Variants in CNTN5 observed in about 807,000 individuals in gnomAD.
The protein encoded by CNTN5 is contactin-5.
CNTN5 carries 77 observed loss-of-function variants against 129.1 expected under a neutral mutation model. The observed-to-expected ratio is 0.60, with a 90% confidence interval of 0.50 to 0.72. The LOEUF is 0.72. Ranked by LOEUF, CNTN5 falls within the 30% of genes least tolerant of loss-of-function variation. CNTN5 has a pLI of 0.00. For missense variants in CNTN5, 1,478 were observed against 1,328.8 expected, an observed-to-expected ratio of 1.11 and a Z score of -1.75; for synonymous variants, 509 against 465.6, an observed-to-expected ratio of 1.09 and a Z score of -1.20.
intron 2 of CNTN5, among the ~76,000 whole-genome samples, chr11:99,522,006 A>T (rs10790768): frequency 0.26 from 39,866 of 151,864 alleles, 5,572 homozygotes; most frequent in East Asian, 0.42. Context: ...CTTGGGTAAT[A>T]AAAAAAATGA....
intron 13 of CNTN5, among the ~76,000 whole-genome samples, chr11:100,179,359 A>G (rs1009334824): frequency 7.2e-5 from 11 of 152,078 alleles, no homozygotes; most frequent in African/African-American, 2.7e-4. Flanking sequence ...AGAAGCAATC[A>G]GAGATAACAG....
At chr11:99,926,216 C>T (rs1308637703) in intron 7 of CNTN5, among the ~76,000 whole-genome samples, 2 of 152,064 alleles carry the variant, frequency 1.3e-5, no homozygotes, top group Non-Finnish European at 2.9e-5. Context: ...TATCTGCTAA[C>T]ATTAATTAAC....
chr11:99,689,674 T>C (rs757531115), intron 3 of CNTN5, among the ~76,000 whole-genome samples: 1 of 152,096 alleles, frequency 6.6e-6, no homozygotes, highest in Admixed American at 6.5e-5. Flanking sequence ...ATTTCTGTAA[T>C]TATCAGTGTT....
At chr11:99,923,276 A>AAT (rs964115386) in intron 7 of CNTN5, among the ~76,000 whole-genome samples, 4 of 152,138 alleles carry the variant, frequency 2.6e-5, no homozygotes, top group African/African-American at 7.2e-5. Flanking sequence ...TAAGACAATA[A>AAT]ATATATATAT....
intron 23 of CNTN5, among the ~76,000 whole-genome samples, chr11:100,346,477 T>C (rs1162716788): frequency 6.6e-6 from 1 of 152,136 alleles, no homozygotes; most frequent in East Asian, 1.9e-4. Flanking sequence ...TAAAACTCAA[T>C]GTTCAGGGGC....
intron 23 of CNTN5, among the ~76,000 whole-genome samples, chr11:100,349,548 C>A (rs555599791): frequency 6.6e-6 from 1 of 151,792 alleles, no homozygotes; most frequent in South Asian, 2.1e-4. Context: ...TTGAAGTTTA[C>A]AAAATTTAGT....
chr11:100,227,557 G>T (rs1949404056), intron 16 of CNTN5, among the ~76,000 whole-genome samples: 2 of 152,032 alleles, frequency 1.3e-5, no homozygotes, highest in Non-Finnish European at 2.9e-5. Context: ...TCCAAAGATT[G>T]CTTTTTTCGT....
intron 3 of CNTN5, among the ~76,000 whole-genome samples, chr11:99,634,051 A>G (rs1357916745): frequency 6.6e-6 from 1 of 152,176 alleles, no homozygotes; most frequent in East Asian, 1.9e-4. Flanking sequence ...TAAGTAAGGA[A>G]GAGATCCTCG....
chr11:99,287,012 G>T (rs900203866), intron 1 of CNTN5, among the ~76,000 whole-genome samples: 1 of 152,118 alleles, frequency 6.6e-6, no homozygotes, highest in Non-Finnish European at 1.5e-5. Context: ...TTAAAATTCT[G>T]AAGAAATTGT....
At chr11:99,793,261 G>A (rs539735343) in intron 3 of CNTN5, among the ~76,000 whole-genome samples, 4 of 151,928 alleles carry the variant, frequency 2.6e-5, no homozygotes, top group Admixed American at 6.6e-5. Flanking sequence ...GGGTTTCACC[G>A]TGTTAGCCAG....
chr11:100,115,241 G>A (rs930515101), intron 13 of CNTN5, among the ~76,000 whole-genome samples: 2 of 151,084 alleles, frequency 1.3e-5, no homozygotes, highest in African/African-American at 4.9e-5. Flanking sequence ...AATGGCTTTA[G>A]TTCCTACTAT....
chr11:99,158,083 T>C (rs2135506305), intron 1 of CNTN5, among the ~76,000 whole-genome samples: 1 of 152,312 alleles, frequency 6.6e-6, no homozygotes. Context: ...AGGCACGGAA[T>C]TGAACCAATA....
At chr11:99,576,305 C>T (rs2851609) in intron 3 of CNTN5, among the ~76,000 whole-genome samples, 100,205 of 151,932 alleles carry the variant, frequency 0.66, 37,183 homozygotes, top group Non-Finnish European at 0.81. Flanking sequence ...TGCTGAAGAC[C>T]CATCAAGAAC....
At chr11:99,490,390 CAT>C (rs1945989930) in intron 2 of CNTN5, among the ~76,000 whole-genome samples, 1 of 152,122 alleles carries the variant, frequency 6.6e-6, no homozygotes, top group Non-Finnish European at 1.5e-5. Context: ...TGCTTACAAA[CAT>C]AATTTTTATT....
chr11:99,234,236 C>G (rs1421494526), intron 1 of CNTN5, among the ~76,000 whole-genome samples: 1 of 151,992 alleles, frequency 6.6e-6, no homozygotes, highest in Non-Finnish European at 1.5e-5. Context: ...TGATAGTTAT[C>G]AGAGGCTGGG....
chr11:99,034,393 T>C (rs1863587897), intron 1 of CNTN5, among the ~76,000 whole-genome samples: 1 of 151,814 alleles, frequency 6.6e-6, no homozygotes, highest in Non-Finnish European at 1.5e-5. Flanking sequence ...TGAATCCATC[T>C]GGTCCTGGAC....
intron 2 of CNTN5, among the ~76,000 whole-genome samples, chr11:99,354,008 A>C (rs1938473860): frequency 6.6e-6 from 1 of 152,196 alleles, no homozygotes; most frequent in South Asian, 2.1e-4. Context: ...AATCCAGTAG[A>C]TGGTCTAAAT....
chr11:99,890,182 T>C (rs1336482099), intron 6 of CNTN5, among the ~76,000 whole-genome samples: 1 of 152,136 alleles, frequency 6.6e-6, no homozygotes, highest in Admixed American at 6.5e-5. Flanking sequence ...GTATGAAAGT[T>C]CTCAGAAACA....
chr11:99,735,543 T>C (rs1263661415), intron 3 of CNTN5, among the ~76,000 whole-genome samples: 1 of 152,198 alleles, frequency 6.6e-6, no homozygotes, highest in African/African-American at 2.4e-5. Context: ...GTTTGATACC[T>C]ACTATGTGTT....
Sources: gnomAD v4.1 joint callset for allele counts (sites outside exome capture counted in the v4.1 genomes callset) on GRCh38, gnomAD v4.1.1 for gene constraint, MANE v1.5 for transcripts, NCBI Gene and HGNC (gene_info 2026-07-23, HGNC 2026-07-21) for gene names.